Variants in CSMD1 observed in about 807,000 individuals in gnomAD.
The protein encoded by CSMD1 is CUB and Sushi multiple domains 1.
A neutral mutation model predicts 417.5 loss-of-function variants in CSMD1; 213 were observed. The observed-to-expected ratio is 0.51, with a 90% confidence interval of 0.46 to 0.57. CSMD1 has a LOEUF of 0.57. Ranked by LOEUF, CSMD1 falls within the 20% of genes least tolerant of loss-of-function variation. The pLI, the probability that CSMD1 is intolerant of heterozygous loss-of-function variation, is 0.00. For missense variants in CSMD1, 6,923 were observed against 4,529.7 expected (o/e 1.53, Z -15.17); for synonymous variants, 2,862 against 1,736.8 (o/e 1.65, Z -16.11).
At chr8:3,951,796 A>T (rs2129882002) in intron 5 of CSMD1, among the ~76,000 whole-genome samples, 1 of 152,292 alleles carries the variant, frequency 6.6e-6, no homozygotes, top group South Asian at 2.1e-4. Context: ...CAAATTAGTG[A>T]GCTGGCAAAG....
In CSMD1 at chr8:3,754,471, T is replaced by TA. The variant is rs61458746; in HGVS notation, c.819-430_819-429insT. ...TTATTTATTTATTTATTTATTTATTTTGAGACGGAGTCTCACTGTGTCATC... is the reference window on the plus strand; with the variant it reads ...TTATTTATTTATTTATTTATTTATTTATGAGACGGAGTCTCACTGTGTCATC... On this transcript the variant is annotated intron_variant, in intron 5 of 69. Transcript: ENST00000635120. Among the ~76,000 whole-genome samples, 435 of 151,698 alleles carry TA rather than the reference T, an allele frequency of 2.9e-3. 10 individuals carry two copies. The East Asian group carries it at 0.057, about 20-fold the overall frequency.
intron 3 of CSMD1, among the ~76,000 whole-genome samples, chr8:4,146,887 A>T: frequency 6.6e-6 from 1 of 151,244 alleles, no homozygotes; most frequent in Non-Finnish European, 1.5e-5. Context: ...CGGCGTGATT[A>T]CATGTGTGAG....
At chr8:3,067,789 T>A (rs914934236) in intron 49 of CSMD1, among the ~76,000 whole-genome samples, 1 of 152,002 alleles carries the variant, frequency 6.6e-6, no homozygotes, top group African/African-American at 2.4e-5. Flanking sequence ...ATGGTTTCTA[T>A]CCTTGGTTCC....
rs1213178851 is a variant in CSMD1 at position 3,972,371 on chromosome 8, C to CT, written c.818+25531dup. On this transcript the variant is annotated intron_variant, in intron 5 of 69. Transcript: ENST00000635120. Reference sequence around the variant, plus strand: ...ATATCATTTAATTTTTGCTAAAGCTCTTTTTTCTTTATACAAACACAAGTA... The same window carrying CT: ...ATATCATTTAATTTTTGCTAAAGCTCTTTTTTTCTTTATACAAACACAAGTA... 2.0e-4 allele frequency among the ~76,000 whole-genome samples: 30 copies of CT among 152,186 alleles called. No individual in the cohort carries two copies. In the East Asian group the frequency reaches 5.8e-3, roughly 29 times the overall value.
At chr8:3,157,744 T>A (rs1458923334) in intron 39 of CSMD1, among the ~76,000 whole-genome samples, 153 bp downstream of exon 39, 1 of 152,232 alleles carries the variant, frequency 6.6e-6, no homozygotes, top group Non-Finnish European at 1.5e-5. Context: ...GTTAAACGCA[T>A]CATTCTGCTC....
chr8:3,933,082 G>C (rs2930335), intron 5 of CSMD1, among the ~76,000 whole-genome samples: 58,693 of 144,884 alleles, frequency 0.41, 13,525 homozygotes, highest in Middle Eastern at 0.48. Context: ...AAAAACAAAA[G>C]AAACAACATT....
At chr8:3,830,496 A>G (rs575586921) in intron 5 of CSMD1, among the ~76,000 whole-genome samples, 1 of 152,332 alleles carries the variant, frequency 6.6e-6, no homozygotes, top group African/African-American at 2.4e-5. Flanking sequence ...GCAACTGAGA[A>G]TCATGGAGTT....
intron 1 of CSMD1, among the ~76,000 whole-genome samples, chr8:4,781,010 G>T (rs1797125753): frequency 6.6e-6 from 1 of 152,014 alleles, no homozygotes; most frequent in Non-Finnish European, 1.5e-5. Context: ...CCTTAAATAG[G>T]GTAATTACCA....
Position 2,998,137 on chromosome 8 carries a change from C to A in CSMD1, c.8251G>T (p.Gly2751Cys). ...PGNPAHGFTN[G>C]SEFNLNDVVN... ...ACATCATTCAGGTTGAACTCACTGCCATTAGTGAATCCGTGGGCAGGGTTT... is the reference window on the plus strand; with the variant it reads ...ACATCATTCAGGTTGAACTCACTGCAATTAGTGAATCCGTGGGCAGGGTTT... The change falls in exon 54 of 70, where the codon GGC (glycine) becomes TGC (cysteine). Residue 2751 changes from glycine (G) to cysteine (C), a missense_variant. Gly to Cys is a radical substitution (Grantham distance 159). Transcript: ENST00000635120. 1 of 1,614,024 alleles carries A rather than the reference C, an allele frequency of 6.2e-7. No homozygotes were observed. Among genetic ancestry groups the A allele is most frequent in the Non-Finnish European group, 8.5e-7 (1 of 1,179,876 alleles).
intron 7 of CSMD1, among the ~76,000 whole-genome samples, chr8:3,676,892 T>TATC (rs1365294890): frequency 2.0e-4 from 31 of 152,060 alleles, no homozygotes; most frequent in Non-Finnish European, 4.1e-4. Context: ...TCTCAGCAAA[T>TATC]TAACACAAGA....
intron 41 of CSMD1, among the ~76,000 whole-genome samples, chr8:3,138,952 T>A (rs942034531): frequency 1.3e-5 from 2 of 152,144 alleles, no homozygotes; most frequent in Non-Finnish European, 2.9e-5. Context: ...GAAAGACATT[T>A]AGGAGTTTGG....
intron 8 of CSMD1, 98 bp from the exon 9 acceptor site, chr8:3,586,358 T>C: frequency 8.1e-7 from 1 of 1,238,104 alleles, no homozygotes; most frequent in Admixed American, 2.7e-5. Context: ...TACGATCTTG[T>C]TCAGTTAAAA....
chr8:4,657,377 C>G (rs1397593288), intron 1 of CSMD1, among the ~76,000 whole-genome samples: 1 of 152,140 alleles, frequency 6.6e-6, no homozygotes, highest in Non-Finnish European at 1.5e-5. Flanking sequence ...TCCTTTCTGC[C>G]TCTCTTTTCC....
intron 11 of CSMD1, among the ~76,000 whole-genome samples, chr8:3,492,144 G>A (rs1050219554): frequency 2.6e-5 from 4 of 152,186 alleles, no homozygotes; most frequent in Admixed American, 6.5e-5. Context: ...TTAACCTATT[G>A]GGACTGAAAC....
chr8:4,830,730 C>T (rs11775007), intron 1 of CSMD1, among the ~76,000 whole-genome samples: 66 of 152,284 alleles, frequency 4.3e-4, no homozygotes, highest in African/African-American at 1.5e-3. Context: ...ATTGTATCTT[C>T]GCTTAATTGG....
intron 3 of CSMD1, among the ~76,000 whole-genome samples, chr8:4,140,762 C>A (rs34701631): frequency 0.3 from 45,056 of 150,362 alleles, 8,445 homozygotes; most frequent in Non-Finnish European, 0.39. Flanking sequence ...ATCTCCTCCC[C>A]TCCAGCTTTG....
intron 55 of CSMD1, among the ~76,000 whole-genome samples, chr8:2,976,981 G>T (rs903658112): frequency 1.3e-5 from 2 of 150,584 alleles, no homozygotes; most frequent in African/African-American, 2.4e-5. Flanking sequence ...CCATTTTTCA[G>T]AGCCATATCC....
chr8:4,503,457 T>G (rs1802362033), intron 2 of CSMD1, among the ~76,000 whole-genome samples: 1 of 152,102 alleles, frequency 6.6e-6, no homozygotes, highest in Admixed American at 6.6e-5. Context: ...CCAAATAAAT[T>G]TAGAAAAAGA....
chr8:4,123,908 A>T (rs1040302198), intron 3 of CSMD1, among the ~76,000 whole-genome samples: 1 of 152,326 alleles, frequency 6.6e-6, no homozygotes, highest in East Asian at 1.9e-4. Context: ...CAGATTTCAC[A>T]ATCTCTTACA....
Sources: allele counts gnomAD v4.1 joint callset (sites outside exome capture counted in the v4.1 genomes callset), GRCh38; gene constraint gnomAD v4.1.1; transcripts MANE v1.5; gene names NCBI Gene and HGNC (gene_info 2026-07-23, HGNC 2026-07-21).